The following CHST11 variants were observed in gnomAD, a reference collection of about 807,000 sequenced individuals.
CHST11 encodes the protein C4S-1.
In CHST11, 9 loss-of-function variants were observed where a neutral mutation model predicts 30.4. The observed-to-expected ratio is 0.30, with a 90% CI of 0.18 to 0.52. CHST11 has a LOEUF of 0.52. Ranked by LOEUF, CHST11 falls within the 20% of genes least tolerant of loss-of-function variation. CHST11 has a pLI of 0.97. For synonymous variants in CHST11, 152 were observed against 187.8 expected, an observed-to-expected ratio of 0.81 and a Z score of 1.56; for missense variants, 348 against 460.6, an observed-to-expected ratio of 0.76 and a Z score of 2.24.
chr12:104,513,903 G>A, intron 1 of CHST11: 2 of 466,562 alleles, frequency 4.3e-6, no homozygotes, highest in South Asian at 4.1e-5. Context: ...CACTGTCTGA[G>A]TCTGTTTGTG....
At chr12:104,637,722 A>T (rs2039339163) in intron 2 of CHST11, among the ~76,000 whole-genome samples, 1 of 152,132 alleles carries the variant, frequency 6.6e-6, no homozygotes, top group Non-Finnish European at 1.5e-5. Context: ...TTGTTGCCGG[A>T]GAGACTGCAT....
At chr12:104,623,581 A>G (rs887418275) in intron 2 of CHST11, among the ~76,000 whole-genome samples, 1 of 152,112 alleles carries the variant, frequency 6.6e-6, no homozygotes, top group Admixed American at 6.5e-5. Context: ...ATGGTGGCAC[A>G]TGCCTATAAT....
chr12:104,557,238 G>A (rs1003576420), intron 1 of CHST11, among the ~76,000 whole-genome samples: 2 of 152,168 alleles, frequency 1.3e-5, no homozygotes, highest in Non-Finnish European at 2.9e-5. Context: ...TTGGGCTGAA[G>A]GGAAGTGAAC....
intron 2 of CHST11, among the ~76,000 whole-genome samples, chr12:104,669,087 G>T (rs190103145): frequency 6.6e-6 from 1 of 152,230 alleles, no homozygotes; most frequent in Non-Finnish European, 1.5e-5. Flanking sequence ...CCACTGCAGC[G>T]TGCGTTAGAC....
intron 1 of CHST11, among the ~76,000 whole-genome samples, chr12:104,460,717 C>G (rs2135947686): frequency 6.6e-6 from 1 of 151,524 alleles, no homozygotes; most frequent in East Asian, 1.9e-4. Context: ...GGCTGGCTGT[C>G]CCTCTCTCTG....
chr12:104,592,076 C>G (rs916189551), intron 1 of CHST11, among the ~76,000 whole-genome samples: 2 of 151,578 alleles, frequency 1.3e-5, no homozygotes, highest in Non-Finnish European at 2.9e-5. Context: ...TCTTTTAATA[C>G]CTGGCACCTC....
chr12:104,562,395 C>A (rs1565987826), intron 1 of CHST11, among the ~76,000 whole-genome samples: 1 of 152,066 alleles, frequency 6.6e-6, no homozygotes, highest in Non-Finnish European at 1.5e-5. Flanking sequence ...GAAGATGAGG[C>A]CATCTTCCCC....
At chr12:104,639,620 G>A (rs1442319187) in intron 2 of CHST11, among the ~76,000 whole-genome samples, 2 of 152,152 alleles carry the variant, frequency 1.3e-5, no homozygotes, top group African/African-American at 4.8e-5. Flanking sequence ...GGCGATTGTG[G>A]GTAAGAGAAC....
rs563399251 is a variant in CHST11 at position 104,667,324 on chromosome 12, G to A, written c.204+65333G>A. 4.9e-4 allele frequency among the ~76,000 whole-genome samples: 75 copies of A among 152,158 alleles called. No individual in the cohort carries two copies. In the South Asian group the frequency reaches 0.015, roughly 30 times the overall value. Reference sequence around the variant, plus strand: ...CTTCTGGTAATGAGAAATGAAAGTCGTCCAGCCTCACTCAGCTCACTGTGT... The same window carrying A: ...CTTCTGGTAATGAGAAATGAAAGTCATCCAGCCTCACTCAGCTCACTGTGT... On this transcript the variant is annotated intron_variant, in intron 2 of 2. Coordinates refer to ENST00000303694, the MANE Select transcript of CHST11 (RefSeq NM_018413.6).
chr12:104,680,433 G>T (rs960313627), intron 2 of CHST11, among the ~76,000 whole-genome samples: 27 of 152,210 alleles, frequency 1.8e-4, no homozygotes, highest in Non-Finnish European at 2.4e-4. Context: ...TGGGGATGGG[G>T]ACGGACATGT....
At chr12:104,510,863 AT>A (rs200460637) in intron 1 of CHST11, among the ~76,000 whole-genome samples, 1,851 of 152,088 alleles carry the variant, frequency 0.012, 15 homozygotes, top group South Asian at 0.022. Flanking sequence ...TTACTGTAAA[AT>A]ATTTGATAGC....
intron 2 of CHST11, among the ~76,000 whole-genome samples, chr12:104,672,860 A>C (rs1044760916): frequency 3.9e-5 from 6 of 152,208 alleles, no homozygotes; most frequent in African/African-American, 1.4e-4. Flanking sequence ...CGTGAGGATT[A>C]CTCTGAAACC....
chr12:104,730,494 T>C (rs2040248158), intron 2 of CHST11, among the ~76,000 whole-genome samples: 1 of 152,132 alleles, frequency 6.6e-6, no homozygotes, highest in Non-Finnish European at 1.5e-5. Flanking sequence ...CAAGAGCTCA[T>C]GATGGGCCCG....
chr12:104,507,140 G>T (rs2037915437), intron 1 of CHST11, among the ~76,000 whole-genome samples: 16 of 152,194 alleles, frequency 1.1e-4, no homozygotes, highest in Admixed American at 1.0e-3. Flanking sequence ...GACAGGTGGG[G>T]TAAGCTCAGG....
intron 1 of CHST11, among the ~76,000 whole-genome samples, chr12:104,555,430 T>C (rs546918133): frequency 6.6e-6 from 1 of 152,342 alleles, no homozygotes; most frequent in East Asian, 1.9e-4. Flanking sequence ...GAGAAGATAC[T>C]TCATTCGTCT....
intron 1 of CHST11, among the ~76,000 whole-genome samples, chr12:104,594,225 C>T (rs1362157835): frequency 6.6e-6 from 1 of 152,066 alleles, no homozygotes; most frequent in African/African-American, 2.4e-5. Context: ...GACCTCTGGC[C>T]ATTCTGTCCC....
At chr12:104,577,796 G>C (rs1704879) in intron 1 of CHST11, among the ~76,000 whole-genome samples, 1 of 151,978 alleles carries the variant, frequency 6.6e-6, no homozygotes, top group Non-Finnish European at 1.5e-5. Flanking sequence ...ACTCAAGACC[G>C]ATCTGGTTGA....
At chr12:104,574,845 C>T (rs2038665839) in intron 1 of CHST11, among the ~76,000 whole-genome samples, 1 of 145,922 alleles carries the variant, frequency 6.9e-6, no homozygotes, top group African/African-American at 2.6e-5. Context: ...TACCCTAAAA[C>T]TTAAAGTATA....
chr12:104,687,269 C>T (rs1566038211), intron 2 of CHST11, among the ~76,000 whole-genome samples: 1 of 152,248 alleles, frequency 6.6e-6, no homozygotes, highest in Non-Finnish European at 1.5e-5. Flanking sequence ...TTTGGGTGGT[C>T]AAGCCAAGGG....
Sources: gnomAD v4.1 joint callset for allele counts (sites outside exome capture counted in the v4.1 genomes callset) on GRCh38, gnomAD v4.1.1 for gene constraint, MANE v1.5 for transcripts, NCBI Gene and HGNC (gene_info 2026-07-23, HGNC 2026-07-21) for gene names.